Variants in RGL4 observed in about 807,000 individuals in gnomAD.
RGL4 encodes the protein ral-GDS-related protein.
RGL4 carries 41 observed loss-of-function variants against 49.6 expected under a neutral mutation model. That is an observed-to-expected ratio of 0.83 (90% CI 0.64 to 1.07). The LOEUF (loss-of-function observed/expected upper bound fraction) is 1.07. Ranked by LOEUF, RGL4 falls within the 50% of genes least tolerant of loss-of-function variation. The probability of loss-of-function intolerance (pLI) is 0.00; values close to 1 mark genes in which losing one functional copy is unlikely to be tolerated. For synonymous variants in RGL4, 255 were observed against 238.0 expected (o/e 1.07, Z -0.66); for missense variants, 610 against 591.9 (o/e 1.03, Z -0.32).
intron 6 of RGL4, chr22:23,695,290 G>T (rs1256279679): frequency 1.7e-5 from 8 of 467,500 alleles, no homozygotes; most frequent in Admixed American, 1.1e-4. Flanking sequence ...CTGAGCAGGG[G>T]TGATGAGCTG....
At chr22:23,697,283 T>A (rs1923572092) in intron 8 of RGL4, 38 bp downstream of exon 8, 1 of 1,549,846 alleles carries the variant, frequency 6.5e-7, no homozygotes, top group African/African-American at 1.4e-5. Flanking sequence ...GGAACCAAGA[T>A]CCTGAAGCTT....
Position 23,693,999 on chromosome 22 carries a change from T to C in RGL4, c.912+25T>C, listed in dbSNP as rs183391563. On this transcript the variant is annotated intron_variant, in intron 4 of 10. Transcript: ENST00000290691. ...GGTAAGCTATGGTTGGGCCTGGGGA[T>C]TCCCTCTTTAAAAATGGGGAACTTC... 9 of 1,600,430 alleles carry C rather than the reference T, an allele frequency of 5.6e-6. No individual in the cohort carries two copies. The East Asian group carries it at 1.6e-4, about 28-fold the overall frequency.
rs959893452 is a variant in RGL4, at chr22:23,691,233, C to G, written c.-798C>G. Reference sequence around the variant, plus strand: ...AGCTCTCAGCATTCTGCCTCAATGGCCTGTATCACTCACTGTTTGGAAAAA... The same window carrying G: ...AGCTCTCAGCATTCTGCCTCAATGGGCTGTATCACTCACTGTTTGGAAAAA... On this transcript the variant is annotated 5_prime_UTR_variant, in exon 1 of 11. Transcript: ENST00000290691. The G allele has an allele frequency of 6.6e-6, 1 of 152,212 alleles. No individual in the cohort carries two copies. Among genetic ancestry groups the G allele is most frequent in the Non-Finnish European group, 1.5e-5 (1 of 68,048 alleles). 9.4% of individuals were successfully genotyped at this position (152,212 alleles called of 1,614,324 possible).
intron 5 of RGL4, 71 bp from the exon 6 acceptor site, chr22:23,694,879 C>T: frequency 8.0e-7 from 1 of 1,245,672 alleles, no homozygotes; most frequent in South Asian, 1.2e-5. Context: ...GGTTTTCAAA[C>T]AAAAGGGACT....
rs778577638 is a variant in RGL4 at position 23,694,349 on chromosome 22, G to A, written c.915G>A (p.Glu305=). The A allele has an allele frequency of 4.3e-5, 69 of 1,612,458 alleles. No individual in the cohort carries two copies. Among genetic ancestry groups the A allele is most frequent in the Admixed American group, 1.7e-5 (1 of 60,002 alleles). The change falls in exon 5 of 11, where the codon GAG becomes GAA. Residue 305 remains glutamate (E), a splice_region_variant and synonymous_variant. Transcript: ENST00000290691. ...ACAGCTCATTCTTCCCTCTCCAGGA[G>A]TGCCTAAGCCTCAACAACTTCTCCT... ...VVEHWIKVAR[E]CLSLNNFSSV...
chr22:23,692,178 T>A lies in RGL4; in HGVS notation c.148T>A (p.Cys50Ser). Reference protein sequence around the residue: ...VCTALLYGQVCPFQDSTDGLR... With the variant: ...VCTALLYGQVSPFQDSTDGLR... ...TACAGCCCTGCTGTATGGCCAGGTCTGCCCCTTCCAGGACAGCACTGATGG... is the reference window on the plus strand; with the variant it reads ...TACAGCCCTGCTGTATGGCCAGGTCAGCCCCTTCCAGGACAGCACTGATGG... The change falls in exon 1 of 11, where the codon TGC becomes AGC. Residue 50 changes from cysteine (C) to serine (S), a missense_variant. Physicochemically the swap from Cys to Ser is moderately radical, Grantham distance 112 (BLOSUM62 -1). Coordinates refer to ENST00000290691, the MANE Select transcript of RGL4 (RefSeq NM_153615.2). 1 of 1,614,182 alleles carries A rather than the reference T, an allele frequency of 6.2e-7. No individual in the cohort carries two copies. Among genetic ancestry groups the A allele is most frequent in the Non-Finnish European group, 8.5e-7 (1 of 1,180,008 alleles).
At chr22:23,697,328 T>C in intron 8 of RGL4, 83 bp downstream of exon 8, 1 of 1,155,762 alleles carries the variant, frequency 8.7e-7, no homozygotes, top group Non-Finnish European at 1.3e-6. Flanking sequence ...CCTTTAGATC[T>C]CAGCCCTTGG....
chr22:23,692,100 C>G lies in RGL4; in HGVS notation c.70C>G (p.Gln24Glu). 6.2e-7 allele frequency: 1 copy of G among 1,614,114 alleles called. No individual in the cohort carries two copies. The highest frequency in any genetic ancestry group is 1.7e-5 in the Admixed American group (1 of 60,022). The change falls in exon 1 of 11, where the codon CAG becomes GAG. Residue 24 changes from glutamine to glutamate, a missense_variant. Transcript: ENST00000290691. ...TGCCCAGGTGTACAGTGCTGTGCTC[C>G]AGGGCCTTTGGGAAGAGAATGTCTG... Reference protein sequence around the residue: ...LSAQVYSAVLQGLWEENVCGT... With the variant: ...LSAQVYSAVLEGLWEENVCGT...
At chr22:23,695,490 C>T in intron 6 of RGL4, 1 of 563,180 alleles carries the variant, frequency 1.8e-6, no homozygotes, top group Non-Finnish European at 3.1e-6. Flanking sequence ...TGCAGCACAC[C>T]TCCATGGGCA....
intron 7 of RGL4, 132 bp from the exon 8 acceptor site, chr22:23,697,039 G>T: frequency 1.4e-6 from 1 of 733,822 alleles, no homozygotes. Flanking sequence ...TGCTCCAACC[G>T]GGAGACCTGA....
At position 23,692,132 on chromosome 22, in the gene RGL4, G is replaced by T; in HGVS notation, c.102G>T (p.Thr34=). The T allele has an allele frequency of 2.5e-6, 4 of 1,614,156 alleles. No individual in the cohort carries two copies. Among genetic ancestry groups the T allele is most frequent in the Non-Finnish European group, 2.5e-6 (3 of 1,180,016 alleles). ...TTTGGGAAGAGAATGTCTGTGGGAC[G>T]CCAGGGCGCACGAGGGTCTGTACAG... ...QGLWEENVCG[T]PGRTRVCTAL... Residue 34 remains threonine, a synonymous_variant, in exon 1 of 11, where the codon ACG becomes ACT. Coordinates refer to ENST00000290691, the MANE Select transcript of RGL4 (RefSeq NM_153615.2).
chr22:23,692,562 G>C, intron 2 of RGL4, 34 bp downstream of exon 2: 1 of 1,595,380 alleles, frequency 6.3e-7, no homozygotes, highest in Non-Finnish European at 8.6e-7. Flanking sequence ...GACTTTCCGG[G>C]GGTGGTGTTT....
rs372406193 is a variant in RGL4 at position 23,692,197 on chromosome 22, C to A, written c.167C>A (p.Thr56Asn). Reference protein sequence around the residue: ...YGQVCPFQDSTDGLRTITSIL... With the variant: ...YGQVCPFQDSNDGLRTITSIL... ...CAGGTCTGCCCCTTCCAGGACAGCA[C>A]TGATGGCTTACGGTAGGGTGGGGCT... The change falls in exon 1 of 11, where the codon ACT (threonine) becomes AAT (asparagine). Residue 56 changes from threonine (T) to asparagine (N), a missense_variant. By Grantham distance (65) the Thr-to-Asn change is moderately conservative. Transcript: ENST00000290691. The A allele has an allele frequency of 1.2e-6, 2 of 1,613,388 alleles. No individual in the cohort carries two copies. Among genetic ancestry groups the A allele is most frequent in the Non-Finnish European group, 1.7e-6 (2 of 1,179,376 alleles).
chr22:23,695,934 T>C (rs1923465853), intron 6 of RGL4, among the ~76,000 whole-genome samples: 1 of 152,184 alleles, frequency 6.6e-6, no homozygotes, highest in African/African-American at 2.4e-5. Flanking sequence ...GGCGAAGCCT[T>C]TGGCATGGCT....
intron 6 of RGL4, among the ~76,000 whole-genome samples, chr22:23,695,897 G>A (rs932558265): frequency 1.3e-5 from 2 of 152,168 alleles, no homozygotes; most frequent in Non-Finnish European, 2.9e-5. Flanking sequence ...TTCCGTGCAC[G>A]GAACTCCCCT....
intron 10 of RGL4, 56 bp downstream of exon 10, chr22:23,698,389 T>TA: frequency 6.5e-7 from 1 of 1,530,126 alleles, no homozygotes; most frequent in South Asian, 1.2e-5. Flanking sequence ...TTTTTTTTTT[T>TA]AACATGGTCT....
In RGL4 at chr22:23,695,375, T is replaced by C. The variant is rs1484465641; in HGVS notation, c.1086+356T>C. Reference sequence around the variant, plus strand: ...GAGCTTCCTCCAGGCTGGAGGGTGATCATGGTAGGTGGGACTTCCTTCCTT... The same window carrying C: ...GAGCTTCCTCCAGGCTGGAGGGTGACCATGGTAGGTGGGACTTCCTTCCTT... On this transcript the variant is annotated intron_variant, in intron 6 of 10. Coordinates refer to ENST00000290691, the MANE Select transcript of RGL4 (RefSeq NM_153615.2). 6 of 487,260 alleles carry C rather than the reference T, an allele frequency of 1.2e-5. No individual in the cohort carries two copies. In the Admixed American group the frequency reaches 1.4e-4, roughly 12 times the overall value. The allele number at this position is 487,260 out of a possible 1,614,324, so 30.2% of individuals were successfully genotyped here.
In RGL4 at chr22:23,691,735, A is replaced by C; in HGVS notation, c.-296A>C. On this transcript the variant is annotated 5_prime_UTR_variant, in exon 1 of 11. Transcript: ENST00000290691. ...CTTTTCACCCACAAAACATGGGGGA[A>C]AATATGTGGACTCTGGCTGGGGAGA... 1 of 306,576 alleles carries C rather than the reference A, an allele frequency of 3.3e-6. No individual in the cohort carries two copies. The highest frequency in any genetic ancestry group is 2.1e-5 in the African/African-American group (1 of 48,166). The allele number at this position is 306,576 out of a possible 1,614,324, so 19.0% of individuals were successfully genotyped here.
intron 10 of RGL4, 125 bp from the exon 11 acceptor site, chr22:23,698,719 A>G: frequency 7.9e-7 from 1 of 1,261,526 alleles, no homozygotes; most frequent in Non-Finnish European, 1.1e-6. Context: ...CCATGCCTCC[A>G]CGGCCAGCAT....
Sources: gnomAD v4.1 joint callset for allele counts (sites outside exome capture counted in the v4.1 genomes callset) on GRCh38, gnomAD v4.1.1 for gene constraint, MANE v1.5 for transcripts, NCBI Gene and HGNC (gene_info 2026-07-23, HGNC 2026-07-21) for gene names.